The following COL2A1 variants were observed in gnomAD, a reference collection of about 807,000 sequenced individuals.
COL2A1 encodes the protein collagen type II alpha 1 chain, also known as collagen alpha-1(II) chain.
Under a neutral mutation model 204.5 loss-of-function variants are expected in COL2A1, and 28 were observed. The ratio of observed to expected loss-of-function variants is 0.14; its 90% CI spans 0.10 to 0.19. The LOEUF (loss-of-function observed/expected upper bound fraction) is 0.19. Among genes scored for constraint, COL2A1 ranks in the 10% least tolerant of loss-of-function variants. The pLI is 1.00. For missense variants in COL2A1, 1,388 were observed against 2,027.5 expected (o/e 0.68, Z 6.06); for synonymous variants, 708 against 718.7 (o/e 0.99, Z 0.24).
rs763541773 is a variant in COL2A1, at chr12:47,993,880, A to G, written c.871-18T>C. ...GGATAACCCTAGGGAACAAGAGAAA[A>G]TGTTCAATCAGACTTCTGGGAAACC... On this transcript the variant is annotated intron_variant, in intron 13 of 53. Coordinates refer to ENST00000380518, the MANE Select transcript of COL2A1 (RefSeq NM_001844.5). 41 of 1,613,980 alleles carry G rather than the reference A, an allele frequency of 2.5e-5. No homozygotes were observed. In the African/African-American group the frequency reaches 2.8e-4, roughly 11 times the overall value.
In COL2A1 at chr12:47,974,663, C is replaced by A. The variant is rs201312340; in HGVS notation, c.4074+12G>T. The A allele has an allele frequency of 9.2e-5, 148 of 1,613,968 alleles. 2 individuals are homozygous for A. The African/African-American group carries it at 1.8e-3, about 19-fold the overall frequency. ...CATCTCTGCTCATCATCTAGGGCAC[C>A]CAGGTACTCACATGGAAGCCACCAT... is the stretch of plus-strand genomic sequence containing the variant. On this transcript the variant is annotated intron_variant, in intron 52 of 53. Transcript: ENST00000380518.
chr12:47,979,268 A>G (rs1462453463), intron 41 of COL2A1, among the ~76,000 whole-genome samples: 1 of 152,072 alleles, frequency 6.6e-6, no homozygotes, highest in African/African-American at 2.4e-5. Context: ...GAAGGTAATC[A>G]TGGCAGCCCT....
chr12:47,979,105 T>G (rs1635557), intron 41 of COL2A1, among the ~76,000 whole-genome samples: 138,787 of 151,958 alleles, frequency 0.91, 63,407 homozygotes, highest in East Asian at 1. Flanking sequence ...CCCAGCACTC[T>G]CTCCCTCTGC....
At chr12:48,003,021 C>G (rs1044007197) in intron 1 of COL2A1, 1 of 152,266 alleles carries the variant, frequency 6.6e-6, no homozygotes. Context: ...GAAGAGTTTC[C>G]CTCTGCGATT....
In COL2A1 at chr12:47,982,508, G is replaced by A. The variant is rs2276454; in HGVS notation, c.2295C>T (p.Gly765=). 0.4 allele frequency: 647,008 copies of A among 1,609,760 alleles called. 133,151 individuals carry two copies. The highest frequency in any genetic ancestry group is 0.57 in the East Asian group (25,552 of 44,842). The change falls in exon 34 of 54, where the codon GGC becomes GGT. Residue 765 remains glycine (G), a synonymous_variant. Transcript: ENST00000380518. ...RGAAGIAGPK[G]DRGDVGEKGP... is the part of the protein sequence containing the mutation. ...CTGTAACCTCAGTACTTACCCTGTC[G>A]CCTTTGGGCCCAGCGATACCAGCTG...
Position 47,995,246 on chromosome 12 carries a change from T to G in COL2A1, c.762+9A>C. The G allele has an allele frequency of 6.2e-7, 1 of 1,611,994 alleles. No individual in the cohort carries two copies. The highest frequency in any genetic ancestry group is 8.5e-7 in the Non-Finnish European group (1 of 1,178,012). The stretch of plus-strand genomic sequence containing the variant: ...GCAGCTCCTCATTTGTCTACTCGTG[T>G]ATACTCACATCATCACCAGGCTTTC... On this transcript the variant is annotated intron_variant, in intron 11 of 53. Coordinates refer to ENST00000380518, the MANE Select transcript of COL2A1 (RefSeq NM_001844.5).
At chr12:47,982,780 C>G (rs1939168327) in intron 33 of COL2A1, 68 bp downstream of exon 33, 1 of 1,433,234 alleles carries the variant, frequency 7.0e-7, no homozygotes, top group Non-Finnish European at 9.8e-7. Flanking sequence ...GAGCCCGCTC[C>G]TCTTCTCCCT....
rs1335816529 is a variant in COL2A1 at position 47,980,439 on chromosome 12, TG to T, written c.2625+114del. On this transcript the variant is annotated intron_variant, in intron 39 of 53. Transcript: ENST00000380518. This position sits in a 1 kb window ranked among gnomAD's most constrained non-coding sequence, Gnocchi z 4.5. ...CACATGGAAGCTCCTTCTACCAACA[TG>T]GGGGTGTTCCCAGGCCTGCGAACCA... The T allele has an allele frequency of 4.2e-6, 4 of 941,896 alleles. No homozygotes were observed. The highest frequency in any genetic ancestry group is 1.4e-5 in the South Asian group (1 of 71,632). 58.3% of individuals were successfully genotyped at this position (941,896 alleles called of 1,614,324 possible).
chr12:47,984,570 T>C lies in COL2A1; in HGVS notation c.1863A>G (p.Gly621=), dbSNP rs907198040. 3 of 1,614,002 alleles carry C rather than the reference T, an allele frequency of 1.9e-6. No individual in the cohort carries two copies. In the Admixed American group the frequency reaches 5.0e-5, roughly 27 times the overall value. Residue 621 remains glycine (G), a synonymous_variant, in exon 28 of 54, where the codon GGA becomes GGG. Coordinates refer to ENST00000380518, the MANE Select transcript of COL2A1 (RefSeq NM_001844.5). ...NGEPGKAGEK[G]LPGAPGLRGL... ...CCCTCAGACCAGGAGCACCAGGCAGTCCCTTCTCACCAGCTTTGCCAGGCT... is the reference window on the plus strand; with the variant it reads ...CCCTCAGACCAGGAGCACCAGGCAGCCCCTTCTCACCAGCTTTGCCAGGCT...
intron 1 of COL2A1, among the ~76,000 whole-genome samples, chr12:48,001,975 C>T (rs1940257272): frequency 6.6e-6 from 1 of 152,016 alleles, no homozygotes; most frequent in Non-Finnish European, 1.5e-5. Flanking sequence ...CTGCGCAGGG[C>T]TGGAGCCGAG....
chr12:47,984,199 C>A, intron 28 of COL2A1, 59 bp from the exon 29 acceptor site: 1 of 1,514,826 alleles, frequency 6.6e-7, no homozygotes, highest in African/African-American at 1.4e-5. Flanking sequence ...TTGCAGTCCC[C>A]CTAGGATTGG....
chr12:48,002,115 T>C (rs1203131745), intron 1 of COL2A1, among the ~76,000 whole-genome samples: 2 of 152,118 alleles, frequency 1.3e-5, no homozygotes, highest in African/African-American at 4.8e-5. Context: ...TTCACAGGTC[T>C]CCGCGAGGAA....
At chr12:47,994,107 T>C (rs1263992491) in intron 12 of COL2A1, 60 bp from the exon 13 acceptor site, 1 of 1,595,324 alleles carries the variant, frequency 6.3e-7, no homozygotes, top group Admixed American at 1.7e-5. Flanking sequence ...AAAGCTGCCC[T>C]GGGCTGCAGG....
rs370119831 is a variant in COL2A1 at position 47,993,972 on chromosome 12, C to A, written c.870+22G>T. On this transcript the variant is annotated intron_variant, in intron 13 of 53. Coordinates refer to ENST00000380518, the MANE Select transcript of COL2A1 (RefSeq NM_001844.5). Reference sequence around the variant, plus strand: ...CCCACCAGGCATCTCTTCCTTCCAACCTTCTCACCCGTGATACTTACTCTG... The same window carrying A: ...CCCACCAGGCATCTCTTCCTTCCAAACTTCTCACCCGTGATACTTACTCTG... 299 of 1,614,186 alleles carry A rather than the reference C, an allele frequency of 1.9e-4. No individual in the cohort carries two copies. In the African/African-American group the frequency reaches 3.0e-3, roughly 16 times the overall value.
chr12:47,973,702 G>A, intron 53 of COL2A1, 149 bp from the exon 54 acceptor site: 1 of 922,676 alleles, frequency 1.1e-6, no homozygotes, highest in South Asian at 1.4e-5. Flanking sequence ...CCTCTTCTTG[G>A]CTTGCCAAAG....
chr12:47,977,113 G>C lies in COL2A1; in HGVS notation c.3316C>G (p.Arg1106Gly), dbSNP rs374036874. The stretch of plus-strand genomic sequence containing the variant: ...ACTTGGATACTCACCTGGATTCCCC[G>C]GGCTCCAGCTGGTCCTGAGGGTCCC... ...PMGPSGPAGA[R>G]GIQGPQGPRG... The change falls in exon 47 of 54, where the codon CGG (arginine) becomes GGG (glycine). Residue 1106 changes from arginine (R) to glycine (G), a missense_variant. This residue lies in a region of COL2A1 where 884 missense variants were observed against 1,415.8 expected (regional missense o/e 0.62). Transcript: ENST00000380518. 5 of 1,608,286 alleles carry C rather than the reference G, an allele frequency of 3.1e-6. No individual in the cohort carries two copies. The highest frequency in any genetic ancestry group is 4.2e-6 in the Non-Finnish European group (5 of 1,177,968).
intron 10 of COL2A1, among the ~76,000 whole-genome samples, 156 bp downstream of exon 10, chr12:47,995,554 G>C (rs761400138): frequency 1.3e-5 from 2 of 152,178 alleles, no homozygotes; most frequent in African/African-American, 2.4e-5. Context: ...GTCTGTCAGA[G>C]TTCCTCCACA....
chr12:47,973,140 C>A lies in COL2A1; in HGVS notation c.*267G>T. 1.6e-6 allele frequency: 1 copy of A among 614,500 alleles called. No homozygotes were observed. Among genetic ancestry groups the A allele is most frequent in the Non-Finnish European group, 2.9e-6 (1 of 345,212 alleles). The allele number at this position is 614,500 out of a possible 1,614,324, so 38.1% of individuals were successfully genotyped here. On this transcript the variant is annotated 3_prime_UTR_variant, in exon 54 of 54. Coordinates refer to ENST00000380518, the MANE Select transcript of COL2A1 (RefSeq NM_001844.5). The stretch of plus-strand genomic sequence containing the variant: ...AGTCACTCAGGGGGCATTTGACTCA[C>A]ACCAGTTAGTTTCCTGCCTCTGCCT...
rs2136505936 is a variant in COL2A1 at position 47,974,269 on chromosome 12, G to A, written c.4137C>T (p.Arg1379=). 6.2e-7 allele frequency: 1 copy of A among 1,614,210 alleles called. No individual in the cohort carries two copies. ...TCTGGGAGCCTTCCGTGGACAGCAG[G>A]CGTAGGAAGGTCATCTGGACGTTGG... ...NTANVQMTFL[R]LLSTEGSQNI... The change falls in exon 53 of 54, where the codon CGC becomes CGT. Residue 1379 remains arginine (R), a synonymous_variant. Coordinates refer to ENST00000380518, the MANE Select transcript of COL2A1 (RefSeq NM_001844.5).
Sources: allele counts gnomAD v4.1 joint callset (sites outside exome capture counted in the v4.1 genomes callset), GRCh38; gene constraint gnomAD v4.1.1; regional missense constraint gnomAD v4.1.1; non-coding constraint Gnocchi (gnomAD v3.1); transcripts MANE v1.5; gene names NCBI Gene and HGNC (gene_info 2026-07-23, HGNC 2026-07-21).